The following CDKN2B-AS1 variants were observed in gnomAD, a reference collection of about 807,000 sequenced individuals.
The protein encoded by CDKN2B-AS1 is CDKN2B antisense RNA 1 (non-protein coding).
chr9:22,027,476 C>T (rs182569800), intron 1 of CDKN2B-AS1, among the ~76,000 whole-genome samples: 8 of 152,184 alleles, frequency 5.3e-5, no homozygotes, highest in African/African-American at 1.4e-4. Context: ...AAGAGTCTCT[C>T]GAAAATTTTT....
chr9:22,119,978 A>T (rs1826057953), intron 4 of CDKN2B-AS1: 1 of 152,204 alleles, frequency 6.6e-6, no homozygotes, highest in East Asian at 1.9e-4. Flanking sequence ...AGACTTTCAT[A>T]TAAATCCTTG....
chr9:22,127,096 T>A (rs1818032424), intron 4 of CDKN2B-AS1, among the ~76,000 whole-genome samples: 1 of 152,182 alleles, frequency 6.6e-6, no homozygotes, highest in South Asian at 2.1e-4. Flanking sequence ...TTCTTTTCTT[T>A]TTTTAGATGT....
Position 21,996,673 on chromosome 9 carries a change from C to T in CDKN2B-AS1, n.29+1512C>T, listed in dbSNP as rs1587364079. Among the ~76,000 whole-genome samples the T allele has an allele frequency of 1.3e-5, 2 of 152,178 alleles. No homozygotes were observed. ...TATGCCACGCCCCCAGCATTCCCCT[C>T]CTACCACCACCTTCAGCCGGCCTCC... On this transcript the variant is annotated intron_variant and non_coding_transcript_variant, in intron 1 of 4. Transcript: ENST00000650946. The surrounding 1 kb of genome is among the most constrained non-coding windows in gnomAD (Gnocchi z 5.4).
At chr9:22,065,338 T>C (rs1429664392) in intron 4 of CDKN2B-AS1, among the ~76,000 whole-genome samples, 1 of 152,146 alleles carries the variant, frequency 6.6e-6, no homozygotes, top group Non-Finnish European at 1.5e-5. Context: ...TAAGCAAAGA[T>C]TGCCAGCCTG....
At chr9:22,035,845 G>A (rs779515273) in intron 1 of CDKN2B-AS1, among the ~76,000 whole-genome samples, 28 of 152,090 alleles carry the variant, frequency 1.8e-4, no homozygotes, top group Non-Finnish European at 4.0e-4. Flanking sequence ...TCACATCTGA[G>A]GATCCTGAGT....
chr9:22,031,129 G>C (rs529205296), intron 1 of CDKN2B-AS1: 1 of 152,114 alleles, frequency 6.6e-6, no homozygotes, highest in Non-Finnish European at 1.5e-5. Flanking sequence ...CACCTATTAT[G>C]TTATTTTCTT....
intron 4 of CDKN2B-AS1, among the ~76,000 whole-genome samples, chr9:22,080,045 A>T (rs1252993020): frequency 6.6e-6 from 1 of 152,226 alleles, no homozygotes; most frequent in Non-Finnish European, 1.5e-5. Context: ...TGTGTCCCAC[A>T]CCAGTCTCAA....
At chr9:22,024,603 G>T (rs1431870349) in intron 1 of CDKN2B-AS1, among the ~76,000 whole-genome samples, 1 of 152,194 alleles carries the variant, frequency 6.6e-6, no homozygotes, top group Non-Finnish European at 1.5e-5. Flanking sequence ...GTGAGGCACT[G>T]GCAGCTGCAG....
At position 22,005,605 on chromosome 9, in the gene CDKN2B-AS1, C is replaced by A; in HGVS notation, n.29+10444C>A. The stretch of plus-strand genomic sequence containing the variant: ...ACCCAAGTGCTAATCACTGCCTTCT[C>A]CCACTCAGCGCTGGAGTGGGAGATT... On this transcript the variant is annotated intron_variant and non_coding_transcript_variant, in intron 1 of 4. Transcript: ENST00000650946. This position sits in a 1 kb window ranked among gnomAD's most constrained non-coding sequence, Gnocchi z 4.9. The A allele has an allele frequency of 2.3e-6, 1 of 437,382 alleles. No individual in the cohort carries two copies. Among genetic ancestry groups the A allele is most frequent in the Middle Eastern group, 6.5e-4 (1 of 1,542 alleles). The allele number at this position is 437,382 out of a possible 1,614,324, so 27.1% of individuals were successfully genotyped here. A position where few individuals can be genotyped will look rare whatever the true frequency, so the allele number is the denominator to read the frequency against.
chr9:21,995,023 A>G (rs1356751413), upstream of CDKN2B-AS1: 1 of 152,254 alleles, frequency 6.6e-6, no homozygotes, highest in Non-Finnish European at 1.5e-5. This position sits in a 1 kb window ranked among gnomAD's most constrained non-coding sequence, Gnocchi z 5.7. Flanking sequence ...GTTTTGAACT[A>G]AAAGCCGCTC....
chr9:22,091,501 A>C lies in CDKN2B-AS1; in HGVS notation n.438+35114A>C, dbSNP rs200233530. ...ATTTGTTTGTATCCTCTTTTATTTCATTGAGCAGTGGTTTGTAGTTCTCCT... is the reference window on the plus strand; with the variant it reads ...ATTTGTTTGTATCCTCTTTTATTTCCTTGAGCAGTGGTTTGTAGTTCTCCT... On this transcript the variant is annotated intron_variant and non_coding_transcript_variant, in intron 4 of 4. Transcript: ENST00000650946. 8.1e-3 allele frequency among the ~76,000 whole-genome samples: 1,239 copies of C among 152,146 alleles called. 18 individuals carry two copies. Among genetic ancestry groups the C allele is most frequent in the African/African-American group, 0.029 (1,186 of 41,496 alleles).
At chr9:22,068,434 G>A (rs1234663045) in intron 4 of CDKN2B-AS1, among the ~76,000 whole-genome samples, 1 of 152,112 alleles carries the variant, frequency 6.6e-6, no homozygotes, top group Admixed American at 6.6e-5. Flanking sequence ...GATTTGATTA[G>A]GGGAAATTGA....
At chr9:22,004,141 A>G (rs1365669308) in intron 1 of CDKN2B-AS1, 2 of 232,396 alleles carry the variant, frequency 8.6e-6, no homozygotes, top group African/African-American at 2.2e-5. Flanking sequence ...TACCTGGTAC[A>G]GATTATGTGT....
intron 4 of CDKN2B-AS1, chr9:22,061,873 T>C (rs1001702456): frequency 2.6e-5 from 4 of 152,148 alleles, no homozygotes; most frequent in African/African-American, 4.8e-5. Flanking sequence ...CACTTATATA[T>C]GTATGTAAAA....
chr9:22,008,948 G>C (rs2131190820), intron 1 of CDKN2B-AS1: 1 of 1,612,934 alleles, frequency 6.2e-7, no homozygotes, highest in Non-Finnish European at 8.5e-7. Context: ...TGTTCTCCTC[G>C]CGCATTCCGC....
intron 4 of CDKN2B-AS1, among the ~76,000 whole-genome samples, chr9:22,115,058 C>G (rs1825910660): frequency 6.6e-6 from 1 of 152,140 alleles, no homozygotes; most frequent in African/African-American, 2.4e-5. Context: ...CTGAACCCCC[C>G]ATCTTCAATG....
At chr9:22,064,660 G>A (rs561075899) in intron 4 of CDKN2B-AS1, among the ~76,000 whole-genome samples, 15 of 152,280 alleles carry the variant, frequency 9.9e-5, no homozygotes, top group Admixed American at 3.3e-4. Context: ...TGTCCCAGTC[G>A]TGTGTGGGTG....
rs150511213 is a variant in CDKN2B-AS1, at chr9:22,122,401, A to G, written n.439-4702A>G. 9.1e-3 allele frequency among the ~76,000 whole-genome samples: 1,387 copies of G among 152,208 alleles called. 19 individuals are homozygous for G. Among genetic ancestry groups the G allele is most frequent in the African/African-American group, 0.031 (1,303 of 41,540 alleles). ...TGCTGTACAAAAGCTATTTGGATTG[A>G]TATAATCCCATTTGTGTATTTTGTT... On this transcript the variant is annotated intron_variant and non_coding_transcript_variant, in intron 4 of 4. Coordinates refer to ENST00000650946, the Ensembl canonical transcript of CDKN2B-AS1.
At position 22,067,717 on chromosome 9, in the gene CDKN2B-AS1, C is replaced by CT. The variant is rs905571138; in HGVS notation, n.438+11338dup. Among the ~76,000 whole-genome samples, 39 of 151,960 alleles carry CT rather than the reference C, an allele frequency of 2.6e-4. No individual in the cohort carries two copies. In the South Asian group the frequency reaches 6.7e-3, roughly 26 times the overall value. ...TTCATAAATGCTTGTTGATTAAACT[C>CT]TTTTTTTTGAAAACAATAATGTAGA... On this transcript the variant is annotated intron_variant and non_coding_transcript_variant, in intron 4 of 4. Transcript: ENST00000650946.
Sources: gnomAD v4.1 joint callset for allele counts (sites outside exome capture counted in the v4.1 genomes callset) on GRCh38, gnomAD v4.1.1 for gene constraint, Gnocchi (gnomAD v3.1) non-coding constraint, MANE v1.5 for transcripts, NCBI Gene and HGNC (gene_info 2026-07-23, HGNC 2026-07-21) for gene names.